The following XKR4 variants were observed in gnomAD, a reference collection of about 807,000 sequenced individuals.
XKR4 encodes the protein XK-related protein 4.
A neutral mutation model predicts 53.9 loss-of-function variants in XKR4; 12 were observed. That is an observed-to-expected ratio of 0.22 (90% CI 0.14 to 0.36). The LOEUF (loss-of-function observed/expected upper bound fraction) is 0.36. XKR4 is among the 10% of genes least tolerant of loss of function. XKR4 has a pLI of 1.00. For missense variants in XKR4, 799 were observed against 859.5 expected (o/e 0.93, Z 0.88); for synonymous variants, 354 against 362.4 (o/e 0.98, Z 0.26).
At chr8:55,274,592 C>A (rs1264460102) in intron 1 of XKR4, among the ~76,000 whole-genome samples, 1 of 152,022 alleles carries the variant, frequency 6.6e-6, no homozygotes. Context: ...ACCACCACAC[C>A]CAGCTAATGT....
Position 55,396,367 on chromosome 8 carries a change from G to A in XKR4, c.1006+38490G>A, listed in dbSNP as rs371601953. On this transcript the variant is annotated intron_variant, in intron 2 of 2. Transcript: ENST00000327381. ...ACATTTTGTTGGGACAGAGGGCAAGGGGAAGGTTTTTTTGTGTTTTTTTTT... is the reference window on the plus strand; with the variant it reads ...ACATTTTGTTGGGACAGAGGGCAAGAGGAAGGTTTTTTTGTGTTTTTTTTT... Among the ~76,000 whole-genome samples the A allele has an allele frequency of 3.1e-3, 452 of 147,106 alleles. 2 individuals are homozygous for A. The highest frequency in any genetic ancestry group is 0.011 in the African/African-American group (431 of 38,414).
intron 2 of XKR4, among the ~76,000 whole-genome samples, chr8:55,377,948 T>A (rs909383373): frequency 6.6e-6 from 1 of 152,194 alleles, no homozygotes; most frequent in African/African-American, 2.4e-5. Context: ...GTGAGGAAGA[T>A]TGTGTGCGCG....
intron 2 of XKR4, chr8:55,451,721 G>T: frequency 7.9e-7 from 1 of 1,260,638 alleles, no homozygotes; most frequent in Non-Finnish European, 1.2e-6. Context: ...CGGTTGACCA[G>T]AGAAATGCGG....
chr8:55,460,095 A>T (rs944887006), intron 2 of XKR4, among the ~76,000 whole-genome samples: 1 of 152,196 alleles, frequency 6.6e-6, no homozygotes, highest in African/African-American at 2.4e-5. Context: ...ACTATTCAGC[A>T]ATACAAAAGA....
At chr8:55,322,249 C>G (rs1158165947) in intron 1 of XKR4, among the ~76,000 whole-genome samples, 1 of 152,120 alleles carries the variant, frequency 6.6e-6, no homozygotes, top group African/African-American at 2.4e-5. Context: ...CTTTTTCACT[C>G]GAGTATGTTT....
intron 1 of XKR4, among the ~76,000 whole-genome samples, chr8:55,154,050 G>A (rs1440413422): frequency 6.6e-6 from 1 of 152,144 alleles, no homozygotes; most frequent in African/African-American, 2.4e-5. Context: ...GCACAGATTA[G>A]AGAGTATATG....
intron 1 of XKR4, among the ~76,000 whole-genome samples, chr8:55,313,904 C>G (rs757075397): frequency 3.9e-5 from 6 of 152,192 alleles, no homozygotes; most frequent in Non-Finnish European, 5.9e-5. Context: ...ATGAGTGTTT[C>G]TGACCTAGTC....
At chr8:55,150,955 C>T (rs1563469174) in intron 1 of XKR4, among the ~76,000 whole-genome samples, 2 of 152,184 alleles carry the variant, frequency 1.3e-5, no homozygotes, top group Non-Finnish European at 2.9e-5. Flanking sequence ...TTCCGTCTAA[C>T]CTTTTTAAGA....
At chr8:55,328,589 C>T (rs1422670547) in intron 1 of XKR4, among the ~76,000 whole-genome samples, 3 of 152,178 alleles carry the variant, frequency 2.0e-5, no homozygotes. Context: ...TCCTGCAATC[C>T]AATCTCCTCA....
At chr8:55,295,964 G>A (rs562241465) in intron 1 of XKR4, among the ~76,000 whole-genome samples, 3 of 152,296 alleles carry the variant, frequency 2.0e-5, no homozygotes, top group Admixed American at 2.0e-4. Flanking sequence ...TAGACTAACA[G>A]TTCACCTGTT....
At chr8:55,326,616 G>A (rs568768243) in intron 1 of XKR4, among the ~76,000 whole-genome samples, 171 of 151,434 alleles carry the variant, frequency 1.1e-3, no homozygotes, top group African/African-American at 1.5e-3. Context: ...GACTACAGGC[G>A]TGCACCACTG....
intron 2 of XKR4, among the ~76,000 whole-genome samples, chr8:55,413,316 G>C (rs1401795143): frequency 6.6e-6 from 1 of 152,084 alleles, no homozygotes; most frequent in Non-Finnish European, 1.5e-5. Flanking sequence ...TCCACCTCAC[G>C]GGCTCAAGCA....
intron 2 of XKR4, among the ~76,000 whole-genome samples, chr8:55,440,195 A>T (rs1270674035): frequency 6.6e-6 from 1 of 152,164 alleles, no homozygotes; most frequent in Non-Finnish European, 1.5e-5. Context: ...CAGAACAGAA[A>T]ATTTAATATT....
chr8:55,273,166 G>GTGTGTGTGTA (rs2129372806), intron 1 of XKR4, among the ~76,000 whole-genome samples: 1 of 151,968 alleles, frequency 6.6e-6, no homozygotes, highest in African/African-American at 2.4e-5. Context: ...GTGTGTGTGT[G>GTGTGTGTGTA]TGTGTGTGTG....
At position 55,530,504 on chromosome 8, in the gene XKR4, A is replaced by G. The variant is rs1256229209; in HGVS notation, c.*6277A>G. 1.3e-5 allele frequency: 2 copies of G among 152,220 alleles called. No individual in the cohort carries two copies. Among genetic ancestry groups the G allele is most frequent in the Non-Finnish European group, 2.9e-5 (2 of 68,034 alleles). The allele number at this position is 152,220 out of a possible 1,614,324, so 9.4% of individuals were successfully genotyped here. ...AGCATGTCTGAAGGTCTGCAAGATGACAGAGTTGTAACCCATTCAATGATA... is the reference window on the plus strand; with the variant it reads ...AGCATGTCTGAAGGTCTGCAAGATGGCAGAGTTGTAACCCATTCAATGATA... On this transcript the variant is annotated 3_prime_UTR_variant, in exon 3 of 3. Transcript: ENST00000327381.
chr8:55,498,821 C>T (rs1262866904), intron 2 of XKR4, among the ~76,000 whole-genome samples: 1 of 152,032 alleles, frequency 6.6e-6, no homozygotes, highest in Non-Finnish European at 1.5e-5. Flanking sequence ...AAGCTCACTA[C>T]TTTATGTCTA....
chr8:55,448,606 G>A (rs1805377915), intron 2 of XKR4, among the ~76,000 whole-genome samples: 2 of 152,204 alleles, frequency 1.3e-5, no homozygotes, highest in Admixed American at 1.3e-4. Flanking sequence ...TTTTCTCTTA[G>A]TGGGTTTCTA....
At chr8:55,148,593 G>C (rs974037911) in intron 1 of XKR4, among the ~76,000 whole-genome samples, 1 of 152,046 alleles carries the variant, frequency 6.6e-6, no homozygotes, top group African/African-American at 2.4e-5. Context: ...AGAGCATGAG[G>C]TATTTAAATT....
Position 55,533,268 on chromosome 8 carries a change from A to T in XKR4, c.*9041A>T, listed in dbSNP as rs1012244869. ...ACCTTTGACCTGTGGTTTTCTGCTG[A>T]GCCCCTTGTGATTTTTTTTATTCTA... is the stretch of plus-strand genomic sequence containing the variant. On this transcript the variant is annotated 3_prime_UTR_variant, in exon 3 of 3. Coordinates refer to ENST00000327381, the MANE Select transcript of XKR4 (RefSeq NM_052898.2). The T allele has an allele frequency of 2.6e-5, 4 of 152,172 alleles. No homozygotes were observed. Among genetic ancestry groups the T allele is most frequent in the Non-Finnish European group, 5.9e-5 (4 of 68,026 alleles). 9.4% of individuals were successfully genotyped at this position (152,172 alleles called of 1,614,324 possible).
Sources: gnomAD v4.1 joint callset for allele counts (sites outside exome capture counted in the v4.1 genomes callset) on GRCh38, gnomAD v4.1.1 for gene constraint, MANE v1.5 for transcripts, NCBI Gene and HGNC (gene_info 2026-07-23, HGNC 2026-07-21) for gene names.